ENOX1: variants seen among roughly 807,000 people sequenced by gnomAD.
The protein encoded by ENOX1 is candidate growth-related and time keeping constitutive hydroquinone (NADH) oxidase.
ENOX1 carries 42 observed loss-of-function variants against 82.5 expected under a neutral mutation model. The observed-to-expected ratio is 0.51, with a 90% CI of 0.40 to 0.66. ENOX1 has a LOEUF of 0.66. Among genes scored for constraint, ENOX1 ranks in the 30% least tolerant of loss-of-function variants. The probability of loss-of-function intolerance (pLI) is 0.00; values close to 1 mark genes in which losing one functional copy is unlikely to be tolerated. For synonymous variants in ENOX1, 271 were observed against 282.2 expected, an observed-to-expected ratio of 0.96 and a Z score of 0.40; for missense variants, 608 against 811.6, an observed-to-expected ratio of 0.75 and a Z score of 3.05.
intron 5 of ENOX1, among the ~76,000 whole-genome samples, chr13:43,385,139 C>G (rs186701614): frequency 8.3e-4 from 127 of 152,114 alleles, no homozygotes; most frequent in Non-Finnish European, 1.4e-3. Flanking sequence ...TTTTTCTGTA[C>G]ATTTGGGATA....
chr13:43,371,022 G>A (rs1172846391), intron 5 of ENOX1, among the ~76,000 whole-genome samples: 3 of 152,054 alleles, frequency 2.0e-5, no homozygotes, highest in Non-Finnish European at 2.9e-5. Context: ...GCCCTAATTG[G>A]GGCCTCTAAA....
intron 1 of ENOX1, among the ~76,000 whole-genome samples, chr13:43,780,623 C>T (rs956892707): frequency 6.6e-6 from 1 of 152,176 alleles, no homozygotes; most frequent in Non-Finnish European, 1.5e-5. Context: ...TCTTCAGGGA[C>T]ACTACCTCCT....
In ENOX1 at chr13:43,523,467, C is replaced by T. The variant is rs375343865; in HGVS notation, c.-218-39315G>A. Among the ~76,000 whole-genome samples, 8 of 152,178 alleles carry T rather than the reference C, an allele frequency of 5.3e-5. No individual in the cohort carries two copies. In the East Asian group the frequency reaches 1.5e-3, roughly 29 times the overall value. ...AAGAATAAGGACTAAAGAGAAGATG[C>T]GAGGAGGGCAAACCATTTATTCTTA... On this transcript the variant is annotated intron_variant, in intron 2 of 16. Transcript: ENST00000690772.
intron 2 of ENOX1, chr13:43,543,786 A>G (rs2078848886): frequency 6.8e-6 from 1 of 146,016 alleles, no homozygotes; most frequent in Admixed American, 7.0e-5. Context: ...TAGATCACTG[A>G]GCTTTTAAAG....
At chr13:43,779,966 C>T (rs1451511713) in intron 1 of ENOX1, among the ~76,000 whole-genome samples, 1 of 152,000 alleles carries the variant, frequency 6.6e-6, no homozygotes, top group Non-Finnish European at 1.5e-5. Flanking sequence ...ACCATCCTGG[C>T]CAACACAGTG....
chr13:43,574,316 G>A (rs1186379882), intron 2 of ENOX1, among the ~76,000 whole-genome samples: 4 of 152,150 alleles, frequency 2.6e-5, no homozygotes, highest in Non-Finnish European at 5.9e-5. Context: ...AGGTTATAAA[G>A]ACGGTAATCA....
intron 3 of ENOX1, among the ~76,000 whole-genome samples, chr13:43,471,804 C>T (rs1477373219): frequency 1.3e-3 from 116 of 90,392 alleles, no homozygotes; most frequent in African/African-American, 4.1e-3. Flanking sequence ...AGCGAGACTC[C>T]GTCTCAAAAA....
chr13:43,603,530 CT>C (rs2081833292), intron 2 of ENOX1, among the ~76,000 whole-genome samples: 1 of 137,122 alleles, frequency 7.3e-6, no homozygotes, highest in Admixed American at 7.5e-5. Flanking sequence ...AATGCTATCC[CT>C]CCCCCCTCCC....
At chr13:43,559,986 G>A (rs1433868146) in intron 2 of ENOX1, among the ~76,000 whole-genome samples, 1 of 152,126 alleles carries the variant, frequency 6.6e-6, no homozygotes, top group Non-Finnish European at 1.5e-5. Flanking sequence ...TCCAACCATA[G>A]TCCCACTTGC....
At chr13:43,559,444 A>G (rs1292186379) in intron 2 of ENOX1, among the ~76,000 whole-genome samples, 1 of 152,220 alleles carries the variant, frequency 6.6e-6, no homozygotes, top group Non-Finnish European at 1.5e-5. Context: ...CAATATGGGA[A>G]TCAGAGGGAC....
rs370505993 is a variant in ENOX1 at position 43,498,238 on chromosome 13, T to A, written c.-218-14086A>T. Reference sequence around the variant, plus strand: ...TAGTGTCCTCAGAGGCGGAAATATCTTAAACTTTCATTGTTCTCCATGGAA... The same window carrying A: ...TAGTGTCCTCAGAGGCGGAAATATCATAAACTTTCATTGTTCTCCATGGAA... On this transcript the variant is annotated intron_variant, in intron 2 of 16. Transcript: ENST00000690772. Among the ~76,000 whole-genome samples, 67 of 152,194 alleles carry A rather than the reference T, an allele frequency of 4.4e-4. No homozygotes were observed. The South Asian group carries it at 0.013, about 30-fold the overall frequency.
chr13:43,717,913 A>C (rs2088264154), intron 1 of ENOX1, among the ~76,000 whole-genome samples: 1 of 152,194 alleles, frequency 6.6e-6, no homozygotes, highest in Non-Finnish European at 1.5e-5. Context: ...AGAGAAAAGG[A>C]ATCACATATA....
intron 11 of ENOX1, among the ~76,000 whole-genome samples, chr13:43,309,605 T>C (rs187047210): frequency 6.6e-6 from 1 of 152,360 alleles, no homozygotes; most frequent in African/African-American, 2.4e-5. Context: ...ACATCATCAC[T>C]TCTTTTTATC....
chr13:43,527,461 C>T (rs1225736139), intron 2 of ENOX1, among the ~76,000 whole-genome samples: 1 of 152,032 alleles, frequency 6.6e-6, no homozygotes, highest in Non-Finnish European at 1.5e-5. Context: ...CCTAAAAATA[C>T]TAGAATATGC....
At chr13:43,383,714 C>T (rs138883549) in intron 5 of ENOX1, among the ~76,000 whole-genome samples, 31 of 152,284 alleles carry the variant, frequency 2.0e-4, no homozygotes, top group South Asian at 1.0e-3. Context: ...CTCAGCAGAA[C>T]GAGCAATGAC....
chr13:43,309,044 T>TCC (rs1566477367), intron 11 of ENOX1, among the ~76,000 whole-genome samples: 16 of 126,354 alleles, frequency 1.3e-4, no homozygotes, highest in Admixed American at 4.0e-4. Context: ...TTTTTTTTTT[T>TCC]CCAGAGTCTC....
intron 11 of ENOX1, among the ~76,000 whole-genome samples, chr13:43,314,512 A>G (rs895773151): frequency 2.0e-5 from 3 of 152,218 alleles, no homozygotes; most frequent in Non-Finnish European, 4.4e-5. Context: ...GAGTCAAGGT[A>G]TAATAGCTTT....
intron 8 of ENOX1, among the ~76,000 whole-genome samples, chr13:43,355,025 T>C (rs972032566): frequency 6.6e-6 from 1 of 152,252 alleles, no homozygotes. Flanking sequence ...TTACAGTTAA[T>C]TGTTTATCTG....
chr13:43,593,784 T>C (rs2081349547), intron 2 of ENOX1, among the ~76,000 whole-genome samples: 1 of 151,954 alleles, frequency 6.6e-6, no homozygotes, highest in African/African-American at 2.4e-5. Context: ...GGAGTAAATA[T>C]TAGTTTTCTT....
Sources: gnomAD v4.1 joint callset for allele counts (sites outside exome capture counted in the v4.1 genomes callset) on GRCh38, gnomAD v4.1.1 for gene constraint, MANE v1.5 for transcripts, NCBI Gene and HGNC (gene_info 2026-07-23, HGNC 2026-07-21) for gene names.